Variants in CACNA1D observed in about 807,000 individuals in gnomAD.
CACNA1D encodes calcium voltage-gated channel subunit alpha1 D.
CACNA1D carries 55 observed loss-of-function variants against 257.1 expected under a neutral mutation model. That is an observed-to-expected ratio of 0.21 (90% CI 0.17 to 0.27). CACNA1D has a LOEUF of 0.27. CACNA1D is among the 10% of genes least tolerant of loss of function. The probability of loss-of-function intolerance (pLI) is 1.00; values close to 1 mark genes in which losing one functional copy is unlikely to be tolerated. For missense variants in CACNA1D, 1,876 were observed against 2,784.0 expected (o/e 0.67, Z 7.34); for synonymous variants, 980 against 1,014.9 (o/e 0.97, Z 0.65).
At chr3:53,645,409 GC>G in intron 3 of CACNA1D, among the ~76,000 whole-genome samples, 1 of 152,254 alleles carries the variant, frequency 6.6e-6, no homozygotes, top group African/African-American at 2.4e-5. Flanking sequence ...ATGTCAAGAA[GC>G]TTTTACTCTG....
intron 15 of CACNA1D, among the ~76,000 whole-genome samples, chr3:53,728,382 G>T (rs1468101731): frequency 6.6e-6 from 1 of 152,004 alleles, no homozygotes; most frequent in South Asian, 2.1e-4. Context: ...CAGGTGATCC[G>T]CCCGCCTTGG....
At chr3:53,606,993 C>T (rs777599602) in intron 3 of CACNA1D, among the ~76,000 whole-genome samples, 2 of 152,158 alleles carry the variant, frequency 1.3e-5, no homozygotes, top group Non-Finnish European at 2.9e-5. Context: ...TATAGTAGTC[C>T]ATTGTATGGA....
chr3:53,507,072 CAAAAAAAAAAAAA>C (rs781421977), intron 3 of CACNA1D, among the ~76,000 whole-genome samples: 1 of 56,706 alleles, frequency 1.8e-5, no homozygotes, highest in East Asian at 5.1e-4. Context: ...GACTCTATCT[CAAAAAAAAAAAAA>C]AAAAAAAACA....
At chr3:53,710,412 T>C (rs1233496205) in intron 9 of CACNA1D, 1 of 456,726 alleles carries the variant, frequency 2.2e-6, no homozygotes, top group Non-Finnish European at 4.4e-6. Flanking sequence ...AGTGGCCGAC[T>C]TGCTTAAAGA....
intron 32 of CACNA1D, among the ~76,000 whole-genome samples, 186 bp from the exon 33 acceptor site, chr3:53,772,647 T>C (rs1379671876): frequency 6.6e-6 from 1 of 152,230 alleles, no homozygotes; most frequent in Non-Finnish European, 1.5e-5. Flanking sequence ...GTGGATGGTG[T>C]CTTCAGGACT....
At chr3:53,556,764 G>A (rs2092652467) in intron 3 of CACNA1D, among the ~76,000 whole-genome samples, 1 of 150,948 alleles carries the variant, frequency 6.6e-6, no homozygotes, top group East Asian at 1.9e-4. Context: ...TTGCCAGGCT[G>A]GAGTGCAGCG....
chr3:53,733,039 G>C, intron 19 of CACNA1D, 77 bp downstream of exon 19: 3 of 1,458,230 alleles, frequency 2.1e-6, no homozygotes, highest in Middle Eastern at 1.8e-4. Context: ...TGGCTCGGGT[G>C]GGGGTGAGGG....
At chr3:53,625,392 C>A (rs1439620843) in intron 3 of CACNA1D, among the ~76,000 whole-genome samples, 1 of 152,142 alleles carries the variant, frequency 6.6e-6, no homozygotes, top group South Asian at 2.1e-4. Context: ...AGATATGTCG[C>A]GTTCTGACTT....
chr3:53,674,329 G>A (rs1212276907), intron 8 of CACNA1D, among the ~76,000 whole-genome samples: 1 of 152,204 alleles, frequency 6.6e-6, no homozygotes, highest in African/African-American at 2.4e-5. Flanking sequence ...TCCTTAGATT[G>A]GGATTCTTTA....
intron 3 of CACNA1D, among the ~76,000 whole-genome samples, chr3:53,606,827 C>T (rs1266887926): frequency 6.6e-6 from 1 of 152,186 alleles, no homozygotes; most frequent in African/African-American, 2.4e-5. Context: ...CAGTCCTCAC[C>T]CCCAATTCCT....
At chr3:53,548,488 C>T (rs553717277) in intron 3 of CACNA1D, among the ~76,000 whole-genome samples, 1 of 151,954 alleles carries the variant, frequency 6.6e-6, no homozygotes, top group Admixed American at 6.6e-5. Flanking sequence ...CTCCATCATG[C>T]CGGGTCACTG....
chr3:53,700,244 A>C (rs1194449804), intron 8 of CACNA1D, among the ~76,000 whole-genome samples: 2 of 151,960 alleles, frequency 1.3e-5, no homozygotes, highest in Non-Finnish European at 2.9e-5. Flanking sequence ...GACCCAAAGT[A>C]AGAATACCTT....
At chr3:53,702,922 C>A in intron 9 of CACNA1D, 112 bp downstream of exon 9, 2 of 1,128,810 alleles carry the variant, frequency 1.8e-6, no homozygotes, top group Non-Finnish European at 2.6e-6. Context: ...CAGCCTCCTC[C>A]CAGCCATCTG....
At chr3:53,693,133 CT>C (rs2094542971) in intron 8 of CACNA1D, among the ~76,000 whole-genome samples, 4 of 152,190 alleles carry the variant, frequency 2.6e-5, no homozygotes, top group African/African-American at 9.7e-5. Flanking sequence ...TTTTCTCGTC[CT>C]TTTTGCCCAC....
At chr3:53,794,606 T>C (rs1418707163) in intron 40 of CACNA1D, among the ~76,000 whole-genome samples, 1 of 152,222 alleles carries the variant, frequency 6.6e-6, no homozygotes, top group African/African-American at 2.4e-5. Context: ...ATCAAACTTT[T>C]TGGTCTTCGG....
At position 53,811,494 on chromosome 3, in the gene CACNA1D, C is replaced by A; in HGVS notation, c.*88C>A. 1 of 1,090,270 alleles carries A rather than the reference C, an allele frequency of 9.2e-7. No homozygotes were observed. The highest frequency in any genetic ancestry group is 1.3e-6 in the Non-Finnish European group (1 of 772,494). 67.5% of individuals were successfully genotyped at this position (1,090,270 alleles called of 1,614,324 possible). A position where few individuals can be genotyped will look rare whatever the true frequency, so the allele number is the denominator to read the frequency against. ...TGCCTCATAGTTAGGAAAGTTTAGGCACTAGTTGGGAGTAATATTCAATTA... is the reference window on the plus strand; with the variant it reads ...TGCCTCATAGTTAGGAAAGTTTAGGAACTAGTTGGGAGTAATATTCAATTA... On this transcript the variant is annotated 3_prime_UTR_variant, in exon 48 of 48. Transcript: ENST00000350061. This position sits in a 1 kb window ranked among gnomAD's most constrained non-coding sequence, Gnocchi z 4.2.
intron 3 of CACNA1D, among the ~76,000 whole-genome samples, chr3:53,557,712 T>A (rs2092672138): frequency 6.6e-6 from 1 of 152,250 alleles, no homozygotes. Flanking sequence ...TCTATTCTGT[T>A]GGTCTTTGTG....
chr3:53,733,442 A>T (rs2095019876), intron 19 of CACNA1D, among the ~76,000 whole-genome samples: 1 of 152,030 alleles, frequency 6.6e-6, no homozygotes, highest in Admixed American at 6.5e-5. Flanking sequence ...CACTTGATTG[A>T]TCAGTTTTCC....
At chr3:53,734,468 A>G (rs1164024503) in intron 19 of CACNA1D, among the ~76,000 whole-genome samples, 1 of 152,138 alleles carries the variant, frequency 6.6e-6, no homozygotes, top group African/African-American at 2.4e-5. Flanking sequence ...ATGTGTATAC[A>G]TATATGTACA....
Sources: allele counts gnomAD v4.1 joint callset (sites outside exome capture counted in the v4.1 genomes callset), GRCh38; gene constraint gnomAD v4.1.1; non-coding constraint Gnocchi (gnomAD v3.1); transcripts MANE v1.5; gene names NCBI Gene and HGNC (gene_info 2026-07-23, HGNC 2026-07-21).